The following ZBTB16 variants were observed in gnomAD, a reference collection of about 807,000 sequenced individuals.
The protein encoded by ZBTB16 is zinc finger and BTB domain-containing protein 16.
In ZBTB16, 8 loss-of-function variants were observed where a neutral mutation model predicts 56.8. The ratio of observed to expected loss-of-function variants is 0.14; its 90% CI spans 0.08 to 0.25. ZBTB16 has a LOEUF of 0.25. ZBTB16 is among the 10% of genes least tolerant of loss of function. ZBTB16 has a pLI of 1.00. For synonymous variants in ZBTB16, 363 were observed against 368.5 expected (o/e 0.98, Z 0.17); for missense variants, 625 against 903.0 (o/e 0.69, Z 3.95).
At chr11:114,154,259 A>G (rs1942348723) in intron 2 of ZBTB16, among the ~76,000 whole-genome samples, 1 of 152,144 alleles carries the variant, frequency 6.6e-6, no homozygotes, top group African/African-American at 2.4e-5. Context: ...TCGTCCTCCT[A>G]TTCCTCTTGA....
chr11:114,116,331 G>C (rs1278165979), intron 2 of ZBTB16, among the ~76,000 whole-genome samples: 2 of 152,140 alleles, frequency 1.3e-5, no homozygotes, highest in Non-Finnish European at 2.9e-5. Flanking sequence ...TGGACCCCAG[G>C]TGTGTGTGTC....
chr11:114,210,184 T>C (rs911720152), intron 4 of ZBTB16, among the ~76,000 whole-genome samples: 3 of 143,220 alleles, frequency 2.1e-5, no homozygotes, highest in Non-Finnish European at 4.6e-5. Flanking sequence ...TGTGTGTGTG[T>C]GTGTGTGTGC....
chr11:114,094,376 G>C (rs117521976), intron 2 of ZBTB16, among the ~76,000 whole-genome samples: 1,610 of 152,262 alleles, frequency 0.011, 18 homozygotes, highest in Non-Finnish European at 0.017. Flanking sequence ...AAAACCAAAC[G>C]AGTCCGTGTA....
intron 2 of ZBTB16, among the ~76,000 whole-genome samples, chr11:114,074,068 G>A (rs191666053): frequency 5.7e-4 from 87 of 152,310 alleles, no homozygotes; most frequent in African/African-American, 1.9e-3. Flanking sequence ...GTGAAGTGAG[G>A]TTAGCCCCTA....
chr11:114,108,833 G>C (rs1229907673), intron 2 of ZBTB16, among the ~76,000 whole-genome samples: 1 of 152,232 alleles, frequency 6.6e-6, no homozygotes, highest in Non-Finnish European at 1.5e-5. Context: ...ATCAAATGCA[G>C]GTTTTCCCGA....
At chr11:114,233,568 G>A (rs1368573909) in intron 4 of ZBTB16, among the ~76,000 whole-genome samples, 3 of 151,934 alleles carry the variant, frequency 2.0e-5, no homozygotes, top group East Asian at 1.9e-4. Context: ...CTCTTAACCC[G>A]TTTATTCTCT....
chr11:114,074,799 C>G (rs1428942018), intron 2 of ZBTB16, among the ~76,000 whole-genome samples: 1 of 152,222 alleles, frequency 6.6e-6, no homozygotes, highest in Admixed American at 6.5e-5. Context: ...GCGGCCCTGA[C>G]CCTGGCGGCA....
At chr11:114,119,161 A>G (rs1941265484) in intron 2 of ZBTB16, among the ~76,000 whole-genome samples, 2 of 147,584 alleles carry the variant, frequency 1.4e-5, no homozygotes, top group African/African-American at 2.5e-5. Context: ...GATACCTGAG[A>G]GGCTGAGGCA....
At chr11:114,221,834 A>G (rs947072103) in intron 4 of ZBTB16, among the ~76,000 whole-genome samples, 1 of 152,180 alleles carries the variant, frequency 6.6e-6, no homozygotes, top group Non-Finnish European at 1.5e-5. Context: ...TCAGAAAACA[A>G]CTGCAACTGA....
At chr11:114,228,990 C>T (rs1001849176) in intron 4 of ZBTB16, among the ~76,000 whole-genome samples, 7 of 152,118 alleles carry the variant, frequency 4.6e-5, no homozygotes, top group Non-Finnish European at 8.8e-5. Context: ...TGTGGGGAGT[C>T]GGGGAGCCCT....
At chr11:114,209,161 A>G (rs941090664) in intron 4 of ZBTB16, among the ~76,000 whole-genome samples, 2 of 152,178 alleles carry the variant, frequency 1.3e-5, no homozygotes, top group African/African-American at 4.8e-5. Flanking sequence ...GGATGCAGAA[A>G]AGGTGGATAA....
chr11:114,204,577 T>G (rs1332283805), intron 4 of ZBTB16, among the ~76,000 whole-genome samples: 1 of 152,184 alleles, frequency 6.6e-6, no homozygotes, highest in African/African-American at 2.4e-5. Flanking sequence ...ACCCATTCGT[T>G]TTTTTCTCCC....
chr11:114,129,020 G>A (rs1052349549), intron 2 of ZBTB16, among the ~76,000 whole-genome samples: 3 of 152,208 alleles, frequency 2.0e-5, no homozygotes, highest in East Asian at 1.9e-4. Context: ...CCCCATGTGC[G>A]TTCAGGTGCC....
At chr11:114,171,850 C>T (rs544513082) in intron 3 of ZBTB16, among the ~76,000 whole-genome samples, 3 of 152,358 alleles carry the variant, frequency 2.0e-5, no homozygotes, top group South Asian at 2.1e-4. Context: ...CTGGCTGAAT[C>T]GAAGCAGAAA....
At chr11:114,092,930 G>T (rs142292103) in intron 2 of ZBTB16, among the ~76,000 whole-genome samples, 5 of 152,250 alleles carry the variant, frequency 3.3e-5, no homozygotes, top group East Asian at 3.9e-4. Context: ...ATAGGGAAGA[G>T]AAATTTTCCA....
intron 4 of ZBTB16, among the ~76,000 whole-genome samples, chr11:114,224,100 G>A (rs372815145): frequency 1.3e-5 from 2 of 152,340 alleles, no homozygotes; most frequent in East Asian, 3.9e-4. Context: ...GGGACATCAG[G>A]TGATGTCATG....
Position 114,064,022 on chromosome 11 carries a change from T to C in ZBTB16, c.722T>C (p.Val241Ala). ...GGGRHPGVAE[V>A]KTEMMQVDEV... ...GGGCGGCACCCTGGGGTGGCTGAGGTGAAGACGGAGATGATGCAGGTGGAT... is the reference window on the plus strand; with the variant it reads ...GGGCGGCACCCTGGGGTGGCTGAGGCGAAGACGGAGATGATGCAGGTGGAT... The change falls in exon 2 of 7, where the codon GTG becomes GCG. Residue 241 changes from valine to alanine, a missense_variant. Physicochemically the swap from Val to Ala is moderately conservative, Grantham distance 64. Around this residue, in one of 6 missense-constraint regions of ZBTB16, gnomAD observed 384 missense variants for 393.5 expected, o/e 0.98. Transcript: ENST00000335953. This position sits in a 1 kb window ranked among gnomAD's most constrained non-coding sequence, Gnocchi z 4.2. The C allele has an allele frequency of 6.2e-7, 1 of 1,612,862 alleles. No homozygotes were observed.
chr11:114,062,865 C>T (rs1290957924), intron 1 of ZBTB16, among the ~76,000 whole-genome samples: 1 of 152,186 alleles, frequency 6.6e-6, no homozygotes, highest in East Asian at 1.9e-4. Context: ...GAATGTTGGC[C>T]TTGCCTAGGG....
intron 3 of ZBTB16, among the ~76,000 whole-genome samples, chr11:114,180,417 C>G (rs867986721): frequency 6.6e-6 from 1 of 152,188 alleles, no homozygotes; most frequent in Non-Finnish European, 1.5e-5. Flanking sequence ...AGGAGGCTCA[C>G]TGACTGTAGC....
Sources: allele counts gnomAD v4.1 joint callset (sites outside exome capture counted in the v4.1 genomes callset), GRCh38; gene constraint gnomAD v4.1.1; regional missense constraint gnomAD v4.1.1; non-coding constraint Gnocchi (gnomAD v3.1); transcripts MANE v1.5; gene names NCBI Gene and HGNC (gene_info 2026-07-23, HGNC 2026-07-21).